LGSN: variants seen among roughly 807,000 people sequenced by gnomAD.
LGSN encodes the protein lengsin, lens protein with glutamine synthetase domain, also known as lengsin.
A neutral mutation model predicts 19.5 loss-of-function variants in LGSN; 21 were observed. That is an observed-to-expected ratio of 1.07 (90% CI 0.76 to 1.55). The LOEUF is 1.55. Among genes scored for constraint, LGSN ranks in the 40% most tolerant of loss-of-function variants. The pLI, the probability that LGSN is intolerant of heterozygous loss-of-function variation, is 0.00. For synonymous variants in LGSN, 257 were observed against 215.6 expected (o/e 1.19, Z -1.68); for missense variants, 673 against 608.5 (o/e 1.11, Z -1.12).
At chr6:63,541,034 G>A in the LGSN span, among the ~76,000 whole-genome samples, 732 of 150,240 alleles carry the variant, frequency 4.9e-3, 3 homozygotes, top group East Asian at 7.5e-3. Flanking sequence ...AGAAAGGAAG[G>A]AAGGAAGGAA....
the LGSN span, among the ~76,000 whole-genome samples, chr6:63,515,328 C>T: frequency 1.3e-5 from 2 of 152,142 alleles, no homozygotes; most frequent in East Asian, 3.9e-4. Flanking sequence ...GCCTCCCAGG[C>T]TCAAGCAATT....
chr6:63,413,745 A>G, the LGSN span, among the ~76,000 whole-genome samples: 2 of 152,210 alleles, frequency 1.3e-5, no homozygotes, highest in Non-Finnish European at 2.9e-5. Context: ...AATGCCATAA[A>G]ATTATTTCTA....
chr6:63,404,852 T>C, the LGSN span, among the ~76,000 whole-genome samples: 1 of 152,036 alleles, frequency 6.6e-6, no homozygotes, highest in Non-Finnish European at 1.5e-5. Context: ...ATGTGCACAA[T>C]GTGCAGGTTA....
At chr6:63,541,868 T>G in the LGSN span, among the ~76,000 whole-genome samples, 58 of 152,330 alleles carry the variant, frequency 3.8e-4, no homozygotes, top group African/African-American at 1.4e-3. Flanking sequence ...TATTTCCCTC[T>G]GTACTATGTC....
At chr6:63,343,624 A>G in the LGSN span, among the ~76,000 whole-genome samples, 1 of 152,190 alleles carries the variant, frequency 6.6e-6, no homozygotes, top group Non-Finnish European at 1.5e-5. Flanking sequence ...TCTTTTGCAA[A>G]ATATGAATGG....
At chr6:63,551,420 T>C in the LGSN span, among the ~76,000 whole-genome samples, 2 of 152,190 alleles carry the variant, frequency 1.3e-5, no homozygotes, top group African/African-American at 4.8e-5. Flanking sequence ...AAATAAAATG[T>C]CCACAATTCA....
chr6:63,360,280 T>C, the LGSN span, among the ~76,000 whole-genome samples: 9 of 152,222 alleles, frequency 5.9e-5, no homozygotes, highest in African/African-American at 2.2e-4. Context: ...CCATTCTCCC[T>C]GTCACTTTCA....
the LGSN span, among the ~76,000 whole-genome samples, chr6:63,355,854 T>C: frequency 1.4e-3 from 218 of 152,286 alleles, 1 homozygote; most frequent in South Asian, 0.022. Flanking sequence ...ATATTTTTTG[T>C]ATTTAGTGGA....
chr6:63,319,107 G>T (rs147523656), intron 1 of LGSN, among the ~76,000 whole-genome samples: 7 of 152,222 alleles, frequency 4.6e-5, no homozygotes, highest in African/African-American at 1.7e-4. Flanking sequence ...ACAACTGCTT[G>T]TATTCACTAT....
chr6:63,284,353 CAAAATAATG>C (rs1767445935), intron 3 of LGSN, among the ~76,000 whole-genome samples: 1 of 151,662 alleles, frequency 6.6e-6, no homozygotes, highest in Non-Finnish European at 1.5e-5. Flanking sequence ...GGATATTGAA[CAAAATAATG>C]AAAAATATTT....
the LGSN span, among the ~76,000 whole-genome samples, chr6:63,408,851 C>T: frequency 6.6e-6 from 1 of 152,168 alleles, no homozygotes; most frequent in East Asian, 1.9e-4. Context: ...ACAAACAACC[C>T]CATCAAAAAA....
chr6:63,291,275 G>A (rs1047147729), intron 2 of LGSN, among the ~76,000 whole-genome samples: 3 of 152,116 alleles, frequency 2.0e-5, no homozygotes, highest in Non-Finnish European at 4.4e-5. Flanking sequence ...TGGAAATTCC[G>A]GGTAACGGCC....
At chr6:63,464,803 G>GGCGT in the LGSN span, among the ~76,000 whole-genome samples, 1 of 151,888 alleles carries the variant, frequency 6.6e-6, no homozygotes, top group African/African-American at 2.4e-5. Flanking sequence ...GAGGCAGGTG[G>GGCGT]ATCACATGAG....
chr6:63,412,479 A>AAGAG, the LGSN span, among the ~76,000 whole-genome samples: 40 of 135,824 alleles, frequency 2.9e-4, no homozygotes, highest in African/African-American at 1.2e-3. Flanking sequence ...AGAGAGAAGA[A>AAGAG]AGAGAAGAAA....
chr6:63,553,465 TA>T, the LGSN span, among the ~76,000 whole-genome samples: 13 of 152,216 alleles, frequency 8.5e-5, no homozygotes, highest in Non-Finnish European at 8.8e-5. Context: ...ATGGGTGGCC[TA>T]AAAATAAGTT....
chr6:63,552,785 A>G, the LGSN span, among the ~76,000 whole-genome samples: 1 of 152,198 alleles, frequency 6.6e-6, no homozygotes, highest in East Asian at 1.9e-4. Flanking sequence ...CATTTATTAA[A>G]TAGGGAAACC....
chr6:63,425,110 A>T, the LGSN span, among the ~76,000 whole-genome samples: 1 of 152,318 alleles, frequency 6.6e-6, no homozygotes, highest in South Asian at 2.1e-4. Context: ...ACAATGAAAA[A>T]TGGTGACACT....
the LGSN span, among the ~76,000 whole-genome samples, chr6:63,464,734 TA>T: frequency 2.0e-5 from 3 of 151,836 alleles, no homozygotes; most frequent in Non-Finnish European, 4.4e-5. Flanking sequence ...TACAAATATT[TA>T]AAACTCCCTG....
At chr6:63,412,435 A>AAAGAAAGAAAGC in the LGSN span, among the ~76,000 whole-genome samples, 1 of 138,286 alleles carries the variant, frequency 7.2e-6, no homozygotes, top group African/African-American at 3.1e-5. Context: ...AGAAAGAAAG[A>AAAGAAAGAAAGC]AAGAAAGCAA....
Sources: gnomAD v4.1 joint callset for allele counts (sites outside exome capture counted in the v4.1 genomes callset) on GRCh38, gnomAD v4.1.1 for gene constraint, MANE v1.5 for transcripts, NCBI Gene and HGNC (gene_info 2026-07-23, HGNC 2026-07-21) for gene names.